The following HOMER1 variants were observed in gnomAD, a reference collection of about 807,000 sequenced individuals.
HOMER1 encodes the protein homer protein homolog 1.
HOMER1 carries 3 observed loss-of-function variants against 48.9 expected under a neutral mutation model. That is an observed-to-expected ratio of 0.06 (90% CI 0.03 to 0.16). HOMER1 has a LOEUF of 0.16. Among genes scored for constraint, HOMER1 ranks in the 10% least tolerant of loss-of-function variants. The pLI, the probability that HOMER1 is intolerant of heterozygous loss-of-function variation, is 1.00. For synonymous variants in HOMER1, 134 were observed against 146.4 expected, an observed-to-expected ratio of 0.92 and a Z score of 0.61; for missense variants, 247 against 411.4, an observed-to-expected ratio of 0.60 and a Z score of 3.46.
intron 1 of HOMER1, among the ~76,000 whole-genome samples, chr5:79,461,660 A>G (rs1751320545): frequency 6.6e-6 from 1 of 152,178 alleles, no homozygotes; most frequent in African/African-American, 2.4e-5. Flanking sequence ...CCTAGGATTT[A>G]TATTTATGGC....
chr5:79,478,087 TACTTACA>T (rs1207522126), intron 1 of HOMER1, among the ~76,000 whole-genome samples: 4 of 152,222 alleles, frequency 2.6e-5, no homozygotes, highest in Non-Finnish European at 4.4e-5. Flanking sequence ...ACCATTTTCA[TACTTACA>T]ACGAGGCATT....
chr5:79,504,990 C>A (rs933504922), intron 1 of HOMER1, among the ~76,000 whole-genome samples: 1 of 152,124 alleles, frequency 6.6e-6, no homozygotes, highest in African/African-American at 2.4e-5. Context: ...TAAGACTCCC[C>A]AACTAGGCTG....
intron 8 of HOMER1, among the ~76,000 whole-genome samples, chr5:79,395,709 CCA>C (rs2112212102): frequency 6.6e-6 from 1 of 152,154 alleles, no homozygotes; most frequent in South Asian, 2.1e-4. Context: ...TGTATTTTGA[CCA>C]TTATCTTAGT....
intron 1 of HOMER1, among the ~76,000 whole-genome samples, chr5:79,462,260 T>C (rs1464139276): frequency 6.6e-6 from 1 of 152,164 alleles, no homozygotes; most frequent in Admixed American, 6.5e-5. Context: ...TAGAGCACTA[T>C]CTATTCGGTA....
intron 1 of HOMER1, among the ~76,000 whole-genome samples, chr5:79,506,385 G>A (rs1374939550): frequency 6.6e-6 from 1 of 151,968 alleles, no homozygotes; most frequent in Admixed American, 6.6e-5. Flanking sequence ...TTTCATGAAG[G>A]AGCACAGAAA....
At chr5:79,453,205 G>A (rs1751076150) in intron 2 of HOMER1, among the ~76,000 whole-genome samples, 1 of 145,522 alleles carries the variant, frequency 6.9e-6, no homozygotes. Flanking sequence ...ATCAAGACTG[G>A]TAGGCACTGC....
chr5:79,414,379 G>A (rs575590674), intron 5 of HOMER1, among the ~76,000 whole-genome samples: 11 of 150,094 alleles, frequency 7.3e-5, no homozygotes, highest in Non-Finnish European at 1.2e-4. Context: ...CCTGTTATTC[G>A]CCTGGCCTGT....
At chr5:79,438,672 A>C (rs1226115841) in intron 5 of HOMER1, among the ~76,000 whole-genome samples, 1 of 152,230 alleles carries the variant, frequency 6.6e-6, no homozygotes, top group Non-Finnish European at 1.5e-5. Context: ...AGGTTAATAA[A>C]GGAGGCCTTT....
At chr5:79,511,018 GA>G (rs1344245219) in intron 1 of HOMER1, 200 of 324,224 alleles carry the variant, frequency 6.2e-4, no homozygotes, top group Middle Eastern at 1.8e-3. Flanking sequence ...CTCAGGCAGG[GA>G]AAAAAAAATT....
chr5:79,502,947 C>T lies in HOMER1; in HGVS notation c.5+9823G>A, dbSNP rs549155863. Among the ~76,000 whole-genome samples the T allele has an allele frequency of 9.2e-5, 14 of 151,704 alleles. No individual in the cohort carries two copies. In the East Asian group the frequency reaches 1.2e-3, roughly 13 times the overall value. On this transcript the variant is annotated intron_variant, in intron 1 of 8. Coordinates refer to ENST00000334082, the MANE Select transcript of HOMER1 (RefSeq NM_004272.5). ...CTGTGACTACAGGCGCCCGCCACCA[C>T]GCCCGGCTAATTTTTTGTATTTTAA...
intron 1 of HOMER1, among the ~76,000 whole-genome samples, chr5:79,488,251 T>G (rs116314443): frequency 1.3e-5 from 2 of 152,180 alleles, no homozygotes; most frequent in South Asian, 2.1e-4. Flanking sequence ...GAGAGGTGAT[T>G]AGGCAGTGCC....
At chr5:79,446,924 G>C (rs1210615325) in intron 4 of HOMER1, 129 bp downstream of exon 4, 4 of 614,638 alleles carry the variant, frequency 6.5e-6, no homozygotes, top group Admixed American at 5.5e-5. Flanking sequence ...AAAGTCCTGG[G>C]ATTACAGGTG....
At chr5:79,446,829 T>A (rs990190758) in intron 4 of HOMER1, among the ~76,000 whole-genome samples, 33 of 145,740 alleles carry the variant, frequency 2.3e-4, no homozygotes, top group African/African-American at 5.3e-4. Flanking sequence ...TTTTTTTTTT[T>A]AATTTGTAGA....
chr5:79,420,424 G>A (rs1041913682), intron 5 of HOMER1, among the ~76,000 whole-genome samples: 2 of 152,106 alleles, frequency 1.3e-5, no homozygotes, highest in Non-Finnish European at 2.9e-5. Context: ...TCTACCCACT[G>A]GAAGGATGAG....
intron 1 of HOMER1, among the ~76,000 whole-genome samples, chr5:79,493,494 C>T (rs1016593634): frequency 9.9e-5 from 15 of 152,126 alleles, no homozygotes; most frequent in African/African-American, 2.4e-4. Context: ...CTTAGAACAC[C>T]GCCTGACACA....
At position 79,465,584 on chromosome 5, in the gene HOMER1, C is replaced by CTTTTTTTTTTTTT. The variant is rs10666507; in HGVS notation, c.6-8579_6-8567dup. ...AGTAACAGTACTGTTTACATTTCTTCTTTTTTTTTTTTTTTTTTTTTTTTT... is the reference window on the plus strand; with the variant it reads ...AGTAACAGTACTGTTTACATTTCTTCTTTTTTTTTTTTTTTTTTTTTTTTTTTTTTTTTTTTTT... On this transcript the variant is annotated intron_variant, in intron 1 of 8. Coordinates refer to ENST00000334082, the MANE Select transcript of HOMER1 (RefSeq NM_004272.5). Among the ~76,000 whole-genome samples the CTTTTTTTTTTTTT allele has an allele frequency of 2.4e-3, 184 of 77,906 alleles. 25 individuals carry two copies. The highest frequency in any genetic ancestry group is 8.1e-3 in the African/African-American group (134 of 16,494). 51.1% of individuals were successfully genotyped at this position (77,906 alleles called of 152,430 possible).
intron 2 of HOMER1, among the ~76,000 whole-genome samples, chr5:79,452,837 A>G (rs1341998276): frequency 6.6e-6 from 1 of 152,202 alleles, no homozygotes. Flanking sequence ...CTTACCCTTC[A>G]GTTCAAAAAC....
chr5:79,379,397 AATATTTAT>A lies in HOMER1; in HGVS notation c.877-3208_877-3201del, dbSNP rs1355624808. On this transcript the variant is annotated intron_variant, in intron 8 of 8. Coordinates refer to ENST00000334082, the MANE Select transcript of HOMER1 (RefSeq NM_004272.5). ...ATTTATATATTTTATATATTATATAAATATTTATATATTTATATATTTTATATATTATA... is the reference window on the plus strand; with the variant it reads ...ATTTATATATTTTATATATTATATAAATATTTATATATTTTATATATTATA... 2.3e-4 allele frequency among the ~76,000 whole-genome samples: 26 copies of A among 113,752 alleles called. No individual in the cohort carries two copies. In the South Asian group the frequency reaches 2.8e-3, roughly 12 times the overall value. 74.6% of individuals were successfully genotyped at this position (113,752 alleles called of 152,430 possible).
At chr5:79,419,190 T>C (rs1750031342) in intron 5 of HOMER1, among the ~76,000 whole-genome samples, 1 of 152,198 alleles carries the variant, frequency 6.6e-6, no homozygotes, top group Non-Finnish European at 1.5e-5. Context: ...TAGAGATGGA[T>C]GACTGCATGC....
Sources: allele counts gnomAD v4.1 joint callset (sites outside exome capture counted in the v4.1 genomes callset), GRCh38; gene constraint gnomAD v4.1.1; transcripts MANE v1.5; gene names NCBI Gene and HGNC (gene_info 2026-07-23, HGNC 2026-07-21).